The following RALYL variants were observed in gnomAD, a reference collection of about 807,000 sequenced individuals.
The protein encoded by RALYL is RNA-binding Raly-like protein.
A neutral mutation model predicts 35.1 loss-of-function variants in RALYL; 29 were observed. The observed-to-expected ratio is 0.83, with a 90% CI of 0.61 to 1.13. The LOEUF (loss-of-function observed/expected upper bound fraction) is 1.13, where lower values mean the gene tolerates loss of function less well. RALYL is among the 50% of genes most tolerant of loss of function. RALYL has a pLI of 0.00. For missense variants in RALYL, 359 were observed against 360.4 expected (o/e 1.00, Z 0.03); for synonymous variants, 120 against 127.6 (o/e 0.94, Z 0.40).
intron 3 of RALYL, among the ~76,000 whole-genome samples, chr8:84,789,331 C>T (rs911873748): frequency 6.6e-6 from 1 of 152,142 alleles, no homozygotes; most frequent in Non-Finnish European, 1.5e-5. Flanking sequence ...AATTACTTAG[C>T]AATTGTTAAA....
chr8:84,736,608 A>G (rs1847355681), intron 2 of RALYL, among the ~76,000 whole-genome samples: 1 of 152,116 alleles, frequency 6.6e-6, no homozygotes, highest in Non-Finnish European at 1.5e-5. Flanking sequence ...TAATAGGTAA[A>G]CAGTTCGATG....
At chr8:84,268,500 A>G (rs1833725615) in intron 1 of RALYL, among the ~76,000 whole-genome samples, 1 of 152,234 alleles carries the variant, frequency 6.6e-6, no homozygotes, top group African/African-American at 2.4e-5. Flanking sequence ...AGTAATATTA[A>G]TAAGAAAGAG....
At chr8:84,434,036 G>A (rs1024919742) in intron 1 of RALYL, among the ~76,000 whole-genome samples, 1 of 151,924 alleles carries the variant, frequency 6.6e-6, no homozygotes, top group African/African-American at 2.4e-5. Flanking sequence ...TACAGACTGG[G>A]TAACTTAAAA....
chr8:84,228,830 G>A (rs1374902973), intron 1 of RALYL, among the ~76,000 whole-genome samples: 1 of 152,068 alleles, frequency 6.6e-6, no homozygotes, highest in Non-Finnish European at 1.5e-5. Flanking sequence ...GAAGGGGGAA[G>A]CCCCTTGTAA....
At chr8:84,371,035 C>T (rs1855573344) in intron 1 of RALYL, among the ~76,000 whole-genome samples, 1 of 151,954 alleles carries the variant, frequency 6.6e-6, no homozygotes, top group African/African-American at 2.4e-5. Context: ...ACAGCCTGGC[C>T]TATGATGTGA....
At chr8:84,473,169 G>T in intron 1 of RALYL, among the ~76,000 whole-genome samples, 1 of 151,478 alleles carries the variant, frequency 6.6e-6, no homozygotes, top group South Asian at 2.1e-4. Context: ...ATATTTTTAA[G>T]AATTAAACTC....
At chr8:84,893,669 T>G (rs908114053) in intron 8 of RALYL, among the ~76,000 whole-genome samples, 1 of 152,186 alleles carries the variant, frequency 6.6e-6, no homozygotes, top group Non-Finnish European at 1.5e-5. Context: ...GGTGCTAAAA[T>G]GCCAACATAG....
intron 2 of RALYL, among the ~76,000 whole-genome samples, chr8:84,652,340 G>A (rs1331123651): frequency 1.3e-5 from 2 of 151,974 alleles, no homozygotes; most frequent in Admixed American, 6.6e-5. Flanking sequence ...ACTTCGATTG[G>A]TATGATTTTA....
chr8:84,747,046 C>A (rs1585899949), intron 2 of RALYL, among the ~76,000 whole-genome samples: 2 of 151,672 alleles, frequency 1.3e-5, no homozygotes. Context: ...ATTATTTTAT[C>A]TGAGCATAAA....
At chr8:84,700,351 C>A (rs1255777384) in intron 2 of RALYL, among the ~76,000 whole-genome samples, 4 of 152,062 alleles carry the variant, frequency 2.6e-5, no homozygotes, top group Non-Finnish European at 5.9e-5. Flanking sequence ...ATTTCTTTGA[C>A]ATTAATGCAT....
chr8:84,759,284 T>C (rs1812141157), intron 2 of RALYL, among the ~76,000 whole-genome samples: 1 of 152,220 alleles, frequency 6.6e-6, no homozygotes, highest in Non-Finnish European at 1.5e-5. Flanking sequence ...GGGACTGTTA[T>C]TCTTTCTACT....
chr8:84,633,104 T>C (rs1209913724), intron 2 of RALYL, among the ~76,000 whole-genome samples: 1 of 74,144 alleles, frequency 1.3e-5, no homozygotes, highest in Non-Finnish European at 2.6e-5. Context: ...TTTACTACAA[T>C]TGATAGAATT....
chr8:84,498,160 A>G (rs1472640902), intron 1 of RALYL, among the ~76,000 whole-genome samples: 2 of 152,036 alleles, frequency 1.3e-5, no homozygotes, highest in African/African-American at 4.8e-5. Context: ...ACCAAGAGCC[A>G]CATGCTTACC....
chr8:84,863,148 AAAAC>A (rs1193859060), intron 6 of RALYL, among the ~76,000 whole-genome samples: 2 of 152,230 alleles, frequency 1.3e-5, no homozygotes, highest in African/African-American at 4.8e-5. Context: ...CTTTTATCAG[AAAAC>A]AAACAGATAA....
chr8:84,335,283 T>G (rs932969797), intron 1 of RALYL, among the ~76,000 whole-genome samples: 1 of 152,144 alleles, frequency 6.6e-6, no homozygotes, highest in Admixed American at 6.6e-5. Context: ...TGGGTGCATA[T>G]CCATCTTCTC....
chr8:84,806,868 C>A (rs1031373393), intron 4 of RALYL, among the ~76,000 whole-genome samples: 5 of 152,070 alleles, frequency 3.3e-5, no homozygotes, highest in Admixed American at 1.3e-4. Flanking sequence ...CAAAAATTAG[C>A]TGGCCGTGGT....
intron 1 of RALYL, among the ~76,000 whole-genome samples, chr8:84,191,189 TG>T (rs1808325742): frequency 6.8e-6 from 1 of 146,654 alleles, no homozygotes; most frequent in Non-Finnish European, 1.5e-5. Flanking sequence ...TGATTGTGTG[TG>T]TGTGTGTGTG....
intron 1 of RALYL, among the ~76,000 whole-genome samples, chr8:84,437,044 T>C (rs755278469): frequency 6.6e-6 from 1 of 152,072 alleles, no homozygotes; most frequent in Non-Finnish European, 1.5e-5. Context: ...CTTGTAGTAG[T>C]CCCAATGTTT....
chr8:84,251,365 G>A (rs1258457152), intron 1 of RALYL, among the ~76,000 whole-genome samples: 1 of 152,016 alleles, frequency 6.6e-6, no homozygotes, highest in African/African-American at 2.4e-5. Flanking sequence ...TATAAATTTT[G>A]ATAGGAATTT....
Sources: allele counts gnomAD v4.1 joint callset (sites outside exome capture counted in the v4.1 genomes callset), GRCh38; gene constraint gnomAD v4.1.1; transcripts MANE v1.5; gene names NCBI Gene and HGNC (gene_info 2026-07-23, HGNC 2026-07-21).